The following SLC44A5 variants were observed in gnomAD, a reference collection of about 807,000 sequenced individuals.
The protein encoded by SLC44A5 is choline transporter-like protein 5.
In SLC44A5, 57 loss-of-function variants were observed where a neutral mutation model predicts 101.8. The observed-to-expected ratio is 0.56, with a 90% CI of 0.45 to 0.70. The LOEUF (loss-of-function observed/expected upper bound fraction) is 0.70, where lower values mean the gene tolerates loss of function less well. Among genes scored for constraint, SLC44A5 ranks in the 30% least tolerant of loss-of-function variants. The pLI is 0.00. For synonymous variants in SLC44A5, 281 were observed against 290.9 expected, an observed-to-expected ratio of 0.97 and a Z score of 0.35; for missense variants, 737 against 853.1, an observed-to-expected ratio of 0.86 and a Z score of 1.70.
chr1:75,632,910 A>C, the SLC44A5 span, among the ~76,000 whole-genome samples: 1 of 152,206 alleles, frequency 6.6e-6, no homozygotes, highest in South Asian at 2.1e-4. Flanking sequence ...CACTTAAAAC[A>C]GTTCCCGAAA....
At chr1:75,535,503 A>G (rs1195711563) in intron 2 of SLC44A5, among the ~76,000 whole-genome samples, 4 of 152,114 alleles carry the variant, frequency 2.6e-5, no homozygotes, top group Admixed American at 1.3e-4. Context: ...AGTGATTCTC[A>G]CCTTAGCCCC....
At chr1:75,556,874 A>G (rs1041013545) in intron 1 of SLC44A5, among the ~76,000 whole-genome samples, 3 of 152,074 alleles carry the variant, frequency 2.0e-5, no homozygotes, top group African/African-American at 7.2e-5. Flanking sequence ...CAGGTAAAAT[A>G]AATAAAGAAA....
At chr1:75,330,137 A>T (rs1656918210) in intron 4 of SLC44A5, among the ~76,000 whole-genome samples, 1 of 101,856 alleles carries the variant, frequency 9.8e-6, no homozygotes, top group South Asian at 3.1e-4. Flanking sequence ...ACACACACAC[A>T]CACATGCATA....
intron 13 of SLC44A5, among the ~76,000 whole-genome samples, chr1:75,224,544 G>C (rs1342920853): frequency 6.6e-6 from 1 of 152,064 alleles, no homozygotes; most frequent in Non-Finnish European, 1.5e-5. Flanking sequence ...TCCTGACCCT[G>C]TGTAGGTCTA....
rs181684959 is a variant in SLC44A5, at chr1:75,471,147, T to A, written c.13+70288A>T. Among the ~76,000 whole-genome samples, 154 of 152,282 alleles carry A rather than the reference T, an allele frequency of 1.0e-3. 1 individual carries two copies. The highest frequency in any genetic ancestry group is 2.2e-3 in the Admixed American group (33 of 15,290). The stretch of plus-strand genomic sequence containing the variant: ...GAAGATCTATTTTTTAACCTTTTTT[T>A]TACGGCCTGGCTGTGTTTCTTTGGA... On this transcript the variant is annotated intron_variant, in intron 2 of 23. Coordinates refer to ENST00000370859, the MANE Select transcript of SLC44A5 (RefSeq NM_001130058.2).
intron 1 of SLC44A5, among the ~76,000 whole-genome samples, chr1:75,577,424 C>T (rs971035043): frequency 6.6e-6 from 1 of 152,192 alleles, no homozygotes; most frequent in Non-Finnish European, 1.5e-5. Flanking sequence ...AACAAACATG[C>T]GAAGCATGCT....
chr1:75,664,230 C>T, the SLC44A5 span, among the ~76,000 whole-genome samples: 1 of 152,092 alleles, frequency 6.6e-6, no homozygotes, highest in Non-Finnish European at 1.5e-5. Flanking sequence ...GGGAGCATTC[C>T]CCTTGAGAAG....
intron 2 of SLC44A5, among the ~76,000 whole-genome samples, chr1:75,455,949 G>C (rs577771331): frequency 1.3e-5 from 2 of 152,250 alleles, no homozygotes; most frequent in South Asian, 4.1e-4. Context: ...AAGCAGTTTG[G>C]AGATTTCTCC....
intron 1 of SLC44A5, among the ~76,000 whole-genome samples, chr1:75,583,974 T>C (rs1375255918): frequency 6.6e-6 from 1 of 152,210 alleles, no homozygotes; most frequent in African/African-American, 2.4e-5. Flanking sequence ...ATGGAGGAGA[T>C]TGTCACTCAA....
intron 3 of SLC44A5, among the ~76,000 whole-genome samples, chr1:75,393,151 GA>G (rs1368378154): frequency 6.6e-6 from 1 of 152,060 alleles, no homozygotes; most frequent in Non-Finnish European, 1.5e-5. Flanking sequence ...TGTGCCCTCT[GA>G]ATCTAAAATA....
chr1:75,407,116 C>T (rs182836693), intron 2 of SLC44A5, among the ~76,000 whole-genome samples: 14 of 152,120 alleles, frequency 9.2e-5, no homozygotes, highest in African/African-American at 3.4e-4. Flanking sequence ...ACAATTGCTG[C>T]TAAGAGAATA....
At position 75,464,710 on chromosome 1, in the gene SLC44A5, C is replaced by T. The variant is rs376279541; in HGVS notation, c.14-68089G>A. 7.2e-5 allele frequency among the ~76,000 whole-genome samples: 11 copies of T among 152,096 alleles called. No individual in the cohort carries two copies. The South Asian group carries it at 1.9e-3, about 26-fold the overall frequency. On this transcript the variant is annotated intron_variant, in intron 2 of 23. Transcript: ENST00000370859. Reference sequence around the variant, plus strand: ...AAAAGATATCCCATGCTATTGGAAACCAAAAGACAGCAGGAGTCACTATGC... The same window carrying T: ...AAAAGATATCCCATGCTATTGGAAATCAAAAGACAGCAGGAGTCACTATGC...
rs539625552 is a variant in SLC44A5, at chr1:75,362,696, C to A, written c.53-23066G>T. 9.2e-5 allele frequency among the ~76,000 whole-genome samples: 14 copies of A among 152,036 alleles called. No individual in the cohort carries two copies. In the South Asian group the frequency reaches 2.9e-3, roughly 32 times the overall value. On this transcript the variant is annotated intron_variant, in intron 3 of 23. Coordinates refer to ENST00000370859, the MANE Select transcript of SLC44A5 (RefSeq NM_001130058.2). ...ATTTCACTCCTCTTAAATGTAAGAC[C>A]TGTTTTGTGACCTAAAATATGACCT...
At chr1:75,424,829 C>G (rs982703824) in intron 2 of SLC44A5, among the ~76,000 whole-genome samples, 2 of 151,988 alleles carry the variant, frequency 1.3e-5, no homozygotes, top group African/African-American at 2.4e-5. Context: ...ATAATTTCTT[C>G]TTATAAAGAA....
chr1:75,496,393 G>T (rs1668674048), intron 2 of SLC44A5, among the ~76,000 whole-genome samples: 1 of 151,950 alleles, frequency 6.6e-6, no homozygotes, highest in African/African-American at 2.4e-5. Flanking sequence ...GGAAAAACTG[G>T]ATATCCATAT....
chr1:75,384,454 C>T (rs2101277791), intron 3 of SLC44A5, among the ~76,000 whole-genome samples: 1 of 132,446 alleles, frequency 7.6e-6, no homozygotes, highest in East Asian at 2.2e-4. Flanking sequence ...TCAAAAGAGA[C>T]AAAGAAGGCC....
the SLC44A5 span, among the ~76,000 whole-genome samples, chr1:75,683,696 T>G: frequency 1.3e-5 from 2 of 152,040 alleles, no homozygotes; most frequent in African/African-American, 4.8e-5. Flanking sequence ...GCATGGCACA[T>G]GTATACGTAT....
At chr1:75,668,486 G>A in the SLC44A5 span, among the ~76,000 whole-genome samples, 3 of 150,426 alleles carry the variant, frequency 2.0e-5, no homozygotes, top group African/African-American at 5.0e-5. Flanking sequence ...CACCATGCCC[G>A]GTTAATTTTT....
At chr1:75,245,677 T>C (rs781266858) in intron 7 of SLC44A5, among the ~76,000 whole-genome samples, 2 of 152,110 alleles carry the variant, frequency 1.3e-5, no homozygotes, top group Admixed American at 1.3e-4. Context: ...CATAGAAAAG[T>C]GCTGTGTATG....
Sources: allele counts gnomAD v4.1 joint callset (sites outside exome capture counted in the v4.1 genomes callset), GRCh38; gene constraint gnomAD v4.1.1; transcripts MANE v1.5; gene names NCBI Gene and HGNC (gene_info 2026-07-23, HGNC 2026-07-21).